SPEG: variants seen among roughly 807,000 people sequenced by gnomAD.
SPEG encodes the protein striated muscle enriched protein kinase, also known as striated muscle preferentially expressed protein kinase.
SPEG carries 114 observed loss-of-function variants against 300.4 expected under a neutral mutation model. That is an observed-to-expected ratio of 0.38 (90% CI 0.33 to 0.44). SPEG has a LOEUF of 0.44. Among genes scored for constraint, SPEG ranks in the 20% least tolerant of loss-of-function variants. SPEG has a pLI of 1.00. For missense variants in SPEG, 4,201 were observed against 4,586.2 expected (o/e 0.92, Z 2.43); for synonymous variants, 1,964 against 2,018.9 (o/e 0.97, Z 0.73).
In SPEG at chr2:219,443,528, G is replaced by A. The variant is rs181369720; in HGVS notation, c.389-1125G>A. ...CTGGGAAAGTTGAAAATACTCCCAG[G>A]AACCTTTTCTCCTAACCTAACCACT... On this transcript the variant is annotated intron_variant, in intron 1 of 40. Transcript: ENST00000312358. This position sits in a 1 kb window ranked among gnomAD's most constrained non-coding sequence, Gnocchi z 4.6. 80 of 330,700 alleles carry A rather than the reference G, an allele frequency of 2.4e-4. 1 individual carries two copies. The highest frequency in any genetic ancestry group is 1.6e-3 in the African/African-American group (75 of 47,126). 20.5% of individuals were successfully genotyped at this position (330,700 alleles called of 1,614,324 possible). A position where few individuals can be genotyped will look rare whatever the true frequency, so the allele number is the denominator to read the frequency against.
chr2:219,451,620 C>A lies in SPEG; in HGVS notation c.2258-5C>A, dbSNP rs1354032066. ...GGCGAGCCGGGTCCCTGTGCCTCCC[C>A]ACAGTGTCCTGGCACAAGGATGGGT... On this transcript the variant is annotated splice_polypyrimidine_tract_variant and splice_region_variant and intron_variant, in intron 5 of 40. Transcript: ENST00000312358. The surrounding 1 kb of genome is among the most constrained non-coding windows in gnomAD (Gnocchi z 6.4). The A allele has an allele frequency of 7.1e-6, 11 of 1,543,388 alleles. No individual in the cohort carries two copies. Among genetic ancestry groups the A allele is most frequent in the African/African-American group, 1.4e-5 (1 of 73,554 alleles).
chr2:219,461,055 AG>A, intron 6 of SPEG: 12 of 951,190 alleles, frequency 1.3e-5, no homozygotes, highest in Non-Finnish European at 1.5e-5. Flanking sequence ...GGGAGAACCT[AG>A]GGGGCTGTGG....
In SPEG at chr2:219,486,279, G is replaced by A. The variant is rs1033530565; in HGVS notation, c.7741+802G>A. On this transcript the variant is annotated intron_variant, in intron 31 of 40. Coordinates refer to ENST00000312358, the MANE Select transcript of SPEG (RefSeq NM_005876.5). Reference sequence around the variant, plus strand: ...CTCAAGGACGACAAGCAAAGGCTTCGGGAGGTTGGGTTTTCCAGGCCAGCA... The same window carrying A: ...CTCAAGGACGACAAGCAAAGGCTTCAGGAGGTTGGGTTTTCCAGGCCAGCA... Among the ~76,000 whole-genome samples, 102 of 152,250 alleles carry A rather than the reference G, an allele frequency of 6.7e-4. 1 individual carries two copies. Among genetic ancestry groups the A allele is most frequent in the African/African-American group, 1.2e-3 (51 of 41,458 alleles).
Position 219,492,867 on chromosome 2 carries a change from C to A in SPEG, c.*81C>A. ...GGGACATTCCAGGGCCCACGCTGAG[C>A]CAGGCGGGCCTGGGGCTTCGGTTAC... On this transcript the variant is annotated 3_prime_UTR_variant, in exon 41 of 41. Transcript: ENST00000312358. The A allele has an allele frequency of 7.1e-7, 1 of 1,417,298 alleles. No individual in the cohort carries two copies. The highest frequency in any genetic ancestry group is 9.6e-7 in the Non-Finnish European group (1 of 1,040,300). The allele number at this position is 1,417,298 out of a possible 1,614,324, so 87.8% of individuals were successfully genotyped here.
At chr2:219,457,744 C>T (rs879423161) in intron 6 of SPEG, among the ~76,000 whole-genome samples, 9 of 152,194 alleles carry the variant, frequency 5.9e-5, no homozygotes, top group Non-Finnish European at 1.3e-4. Flanking sequence ...GAGGCACCTG[C>T]TTGAACAGTG....
rs760774131 is a variant in SPEG, at chr2:219,451,649, C to A, written c.2282C>A (p.Ala761Glu). The change falls in exon 6 of 41, where the codon GCG becomes GAG. Residue 761 changes from alanine to glutamate, a missense_variant. This residue lies in a region of SPEG where 1,258 missense variants were observed against 1,293.9 expected (regional missense o/e 0.97). Transcript: ENST00000312358. The surrounding 1 kb of genome is among the most constrained non-coding windows in gnomAD (Gnocchi z 6.4). ...GTGTCCTGGCACAAGGATGGGTCAGCGCTGCGCAGCGAGGGCCGCCTCCTC... is the reference window on the plus strand; with the variant it reads ...GTGTCCTGGCACAAGGATGGGTCAGAGCTGCGCAGCGAGGGCCGCCTCCTC... ...PQVSWHKDGS[A>E]LRSEGRLLLR... The A allele has an allele frequency of 3.2e-6, 5 of 1,584,542 alleles. No individual in the cohort carries two copies. The highest frequency in any genetic ancestry group is 2.3e-5 in the South Asian group (2 of 86,250).
rs1358511314 is a variant in SPEG at position 219,481,374 on chromosome 2, G to A, written c.5440G>A (p.Val1814Met). 3.1e-6 allele frequency: 5 copies of A among 1,614,122 alleles called. No homozygotes were observed. The highest frequency in any genetic ancestry group is 4.5e-5 in the East Asian group (2 of 44,884). Residue 1814 changes from valine to methionine, a missense_variant, in exon 27 of 41, where the codon GTG becomes ATG. Physicochemically the swap from Val to Met is conservative, Grantham distance 21. Around this residue, in one of 4 missense-constraint regions of SPEG, gnomAD observed 1,047 missense variants for 1,356.8 expected, o/e 0.77. Transcript: ENST00000312358. The surrounding 1 kb of genome is among the most constrained non-coding windows in gnomAD (Gnocchi z 5.4). ...ATTGATGAACATCCGAAACTACAAC[G>A]TGGCCTTCGAGGAGACCACATTCCT... Reference protein sequence around the residue: ...TTLMNIRNYNVAFEETTFLSL... With the variant: ...TTLMNIRNYNMAFEETTFLSL...
chr2:219,436,395 C>A (rs942669394), intron 1 of SPEG, among the ~76,000 whole-genome samples: 1 of 152,258 alleles, frequency 6.6e-6, no homozygotes, highest in Non-Finnish European at 1.5e-5. Flanking sequence ...GAGCCTTGGG[C>A]AGGCTGCGCC....
rs371901843 is a variant in SPEG, at chr2:219,490,754, C to T, written c.9183C>T (p.Asp3061=). ...LSDRFRYSED[D]VATYMVQLLQ... is the part of the protein sequence containing the mutation. Reference sequence around the variant, plus strand: ...CCAGGTTCCGGTATTCTGAGGATGACGTGGCCACTTACATGGTGCAGCTGC... The same window carrying T: ...CCAGGTTCCGGTATTCTGAGGATGATGTGGCCACTTACATGGTGCAGCTGC... The change falls in exon 38 of 41, where the codon GAC becomes GAT. Residue 3061 remains aspartate (D), a synonymous_variant. Coordinates refer to ENST00000312358, the MANE Select transcript of SPEG (RefSeq NM_005876.5). 5.7e-4 allele frequency: 921 copies of T among 1,614,118 alleles called. 6 individuals are homozygous for T. Among genetic ancestry groups the T allele is most frequent in the South Asian group, 1.2e-3 (108 of 91,078 alleles).
chr2:219,481,440 T>A lies in SPEG; in HGVS notation c.5506T>A (p.Leu1836Met). ...REARGFLIKV[L>M]VQDRLRPTAE... ...GGCCCGGGGCTTCCTCATCAAAGTG[T>A]TGGTGCAGGACCGGCTGTGAGTACA... is the stretch of plus-strand genomic sequence containing the variant. Residue 1836 changes from leucine (L) to methionine (M), a missense_variant, in exon 27 of 41, where the codon TTG (leucine) becomes ATG (methionine). Physicochemically the swap from Leu to Met is conservative, Grantham distance 15. Around this residue, in one of 4 missense-constraint regions of SPEG, gnomAD observed 1,047 missense variants for 1,356.8 expected, o/e 0.77. Transcript: ENST00000312358. The surrounding 1 kb of genome is among the most constrained non-coding windows in gnomAD (Gnocchi z 5.4). 6.2e-7 allele frequency: 1 copy of A among 1,614,142 alleles called. No homozygotes were observed. The highest frequency in any genetic ancestry group is 8.5e-7 in the Non-Finnish European group (1 of 1,180,022).
At position 219,490,942 on chromosome 2, in the gene SPEG, C is replaced by T. The variant is rs772568353; in HGVS notation, c.9371C>T (p.Thr3124Met). 1.2e-5 allele frequency: 19 copies of T among 1,612,360 alleles called. No homozygotes were observed. The highest frequency in any genetic ancestry group is 1.7e-4 in the Middle Eastern group (1 of 6,000). ...AGGCCCCTTGGCCACCGCACGGGCA[C>T]GCTGGAGTTCATGGGTGAGGGGACC... ...ALRPLGHRTG[T>M]LEFMAPEMVK... The change falls in exon 38 of 41, where the codon ACG becomes ATG. Residue 3124 changes from threonine to methionine, a missense_variant. Thr to Met is a moderately conservative substitution (Grantham distance 81). Transcript: ENST00000312358.
chr2:219,480,358 C>T lies in SPEG; in HGVS notation c.5342+218C>T, dbSNP rs1208052655. Reference sequence around the variant, plus strand: ...GCCTCAGCCCTGTTAGTCCTTGACTCCTTGTCTCCCCTGGAAGCCGGGCCT... The same window carrying T: ...GCCTCAGCCCTGTTAGTCCTTGACTTCTTGTCTCCCCTGGAAGCCGGGCCT... On this transcript the variant is annotated intron_variant, in intron 25 of 40. Coordinates refer to ENST00000312358, the MANE Select transcript of SPEG (RefSeq NM_005876.5). The surrounding 1 kb of genome is among the most constrained non-coding windows in gnomAD (Gnocchi z 5.3). Among the ~76,000 whole-genome samples the T allele has an allele frequency of 6.6e-6, 1 of 152,176 alleles. No homozygotes were observed. Among genetic ancestry groups the T allele is most frequent in the Admixed American group, 6.5e-5 (1 of 15,290 alleles).
At position 219,444,312 on chromosome 2, in the gene SPEG, G is replaced by T. The variant is rs947742067; in HGVS notation, c.389-341G>T. 2.0e-5 allele frequency among the ~76,000 whole-genome samples: 3 copies of T among 152,200 alleles called. No homozygotes were observed. The highest frequency in any genetic ancestry group is 4.1e-4 in the South Asian group (2 of 4,834). ...CTGATGATTTTGGGGCTGCACAGGGGCTTAAGCTTTCACTGACAAGGGGAG... is the reference window on the plus strand; with the variant it reads ...CTGATGATTTTGGGGCTGCACAGGGTCTTAAGCTTTCACTGACAAGGGGAG... On this transcript the variant is annotated intron_variant, in intron 1 of 40. Transcript: ENST00000312358. The surrounding 1 kb of genome is among the most constrained non-coding windows in gnomAD (Gnocchi z 7.8).
In SPEG at chr2:219,488,229, C is replaced by G; in HGVS notation, c.7777C>G (p.Gln2593Glu). The change falls in exon 32 of 41, where the codon CAG becomes GAG. Residue 2593 changes from glutamine to glutamate, a missense_variant. Transcript: ENST00000312358. ...PPVFHIKLKD[Q>E]VLLEGEAATL... ...AGTCTTCCACATCAAACTCAAGGAC[C>G]AGGTGCTGCTGGAGGGGGAGGCAGC... 2 of 1,613,710 alleles carry G rather than the reference C, an allele frequency of 1.2e-6. No individual in the cohort carries two copies. The highest frequency in any genetic ancestry group is 2.2e-5 in the South Asian group (2 of 91,006).
Position 219,468,925 on chromosome 2 carries a change from T to A in SPEG, c.3368T>A (p.Ile1123Asn). The A allele has an allele frequency of 6.2e-7, 1 of 1,613,912 alleles. No homozygotes were observed. The highest frequency in any genetic ancestry group is 1.7e-5 in the Admixed American group (1 of 60,026). The change falls in exon 12 of 41, where the codon ATT becomes AAT. Residue 1123 changes from isoleucine (I) to asparagine (N), a missense_variant. Coordinates refer to ENST00000312358, the MANE Select transcript of SPEG (RefSeq NM_005876.5). ...GACGGGGGTCTGCACTCACTGCACA[T>A]TGCCCATGTGGGCAGCGAGGACGAG... ...RQDGGLHSLH[I>N]AHVGSEDEGL...
chr2:219,435,096 C>T lies in SPEG; in HGVS notation c.119C>T (p.Ala40Val). The change falls in exon 1 of 41, where the codon GCC becomes GTC. Residue 40 changes from alanine (A) to valine (V), a missense_variant. By Grantham distance (64) the Ala-to-Val change is moderately conservative. Around this residue, in one of 4 missense-constraint regions of SPEG, gnomAD observed 1,258 missense variants for 1,293.9 expected, o/e 0.97. Coordinates refer to ENST00000312358, the MANE Select transcript of SPEG (RefSeq NM_005876.5). The part of the protein sequence containing the change: ...GAGGGAPVAV[A>V]GAPVFLRPLK... ...GGCGGCGGGGCTCCTGTGGCCGTGG[C>T]CGGGGCGCCAGTCTTCCTGCGGCCC... 2.1e-6 allele frequency: 3 copies of T among 1,459,722 alleles called. No individual in the cohort carries two copies. Among genetic ancestry groups the T allele is most frequent in the Admixed American group, 2.6e-5 (1 of 38,402 alleles). The allele number at this position is 1,459,722 out of a possible 1,614,324, so 90.4% of individuals were successfully genotyped here.
chr2:219,473,613 G>T lies in SPEG; in HGVS notation c.4257G>T (p.Gln1419His). Residue 1419 changes from glutamine to histidine, a missense_variant, in exon 17 of 41, where the codon CAG becomes CAT. Coordinates refer to ENST00000312358, the MANE Select transcript of SPEG (RefSeq NM_005876.5). This position sits in a 1 kb window ranked among gnomAD's most constrained non-coding sequence, Gnocchi z 4.6. The stretch of plus-strand genomic sequence containing the variant: ...TCACATTCAACCATGTGGAGGCCCA[G>T]GTCGTCTGGAGGAGGTGGGCCCCTT... ...VTVTFNHVEA[Q>H]VVWRSCRGAL... 6.2e-7 allele frequency: 1 copy of T among 1,614,210 alleles called. No homozygotes were observed. Among genetic ancestry groups the T allele is most frequent in the Non-Finnish European group, 8.5e-7 (1 of 1,180,032 alleles).
chr2:219,467,011 G>A (rs886591963), intron 9 of SPEG, 163 bp from the exon 10 acceptor site: 14 of 1,075,176 alleles, frequency 1.3e-5, no homozygotes, highest in African/African-American at 3.2e-5. Flanking sequence ...GTCTGGGCAT[G>A]CCTTGCTGTC....
intron 6 of SPEG, among the ~76,000 whole-genome samples, chr2:219,456,766 G>A (rs1247587805): frequency 4.6e-5 from 7 of 151,988 alleles, no homozygotes; most frequent in East Asian, 1.9e-4. Context: ...AAAATTAGCC[G>A]GGTGTGGTGA....
Sources: allele counts gnomAD v4.1 joint callset (sites outside exome capture counted in the v4.1 genomes callset), GRCh38; gene constraint gnomAD v4.1.1; regional missense constraint gnomAD v4.1.1; non-coding constraint Gnocchi (gnomAD v3.1); transcripts MANE v1.5; gene names NCBI Gene and HGNC (gene_info 2026-07-23, HGNC 2026-07-21).